Variants in EVC2 observed in about 807,000 individuals in gnomAD.
EVC2 encodes the protein limbin.
EVC2 carries 148 observed loss-of-function variants against 149.3 expected under a neutral mutation model. The ratio of observed to expected loss-of-function variants is 0.99; its 90% CI spans 0.87 to 1.14. The LOEUF is 1.14. Among genes scored for constraint, EVC2 ranks in the 50% most tolerant of loss-of-function variants. EVC2 has a pLI of 0.00. For synonymous variants in EVC2, 776 were observed against 649.9 expected, an observed-to-expected ratio of 1.19 and a Z score of -2.95; for missense variants, 1,854 against 1,627.3, an observed-to-expected ratio of 1.14 and a Z score of -2.40.
the EVC2 span, among the ~76,000 whole-genome samples, chr4:5,535,238 C>T: frequency 8.7e-3 from 1,321 of 152,220 alleles, 21 homozygotes; most frequent in African/African-American, 0.03. The surrounding 1 kb of genome is among the most constrained non-coding windows in gnomAD (Gnocchi z 4.7). Context: ...GCTGGACCCC[C>T]GAACGTCAGC....
At position 5,670,494 on chromosome 4, in the gene EVC2, C is replaced by T. The variant is rs1262705348; in HGVS notation, c.871-4845G>A. Among the ~76,000 whole-genome samples, 1 of 152,078 alleles carries T rather than the reference C, an allele frequency of 6.6e-6. No homozygotes were observed. Among genetic ancestry groups the T allele is most frequent in the African/African-American group, 2.4e-5 (1 of 41,384 alleles). Reference sequence around the variant, plus strand: ...TCATCACCATCCCCACCATCACCATCACCACCATCACCATCGCCACCACGA... The same window carrying T: ...TCATCACCATCCCCACCATCACCATTACCACCATCACCATCGCCACCACGA... On this transcript the variant is annotated intron_variant, in intron 7 of 21. Coordinates refer to ENST00000344408, the MANE Select transcript of EVC2 (RefSeq NM_147127.5). This position sits in a 1 kb window ranked among gnomAD's most constrained non-coding sequence, Gnocchi z 5.2.
At chr4:5,648,989 AT>A (rs983280905) in intron 9 of EVC2, among the ~76,000 whole-genome samples, 1 of 152,184 alleles carries the variant, frequency 6.6e-6, no homozygotes. Flanking sequence ...GAAGACTTAA[AT>A]TTTCATTGCC....
chr4:5,698,283 G>A (rs1721614328), intron 1 of EVC2, among the ~76,000 whole-genome samples: 1 of 152,092 alleles, frequency 6.6e-6, no homozygotes, highest in African/African-American at 2.4e-5. Flanking sequence ...TGTGGACCCT[G>A]GGTAAGCCAA....
At chr4:5,594,617 T>A (rs192201443) in intron 16 of EVC2, among the ~76,000 whole-genome samples, 265 of 151,876 alleles carry the variant, frequency 1.7e-3, no homozygotes, top group African/African-American at 6.2e-3. Context: ...ACCACAAAGA[T>A]GGGGAAAAAA....
intron 21 of EVC2, among the ~76,000 whole-genome samples, chr4:5,548,937 C>T (rs188596156): frequency 2.7e-3 from 336 of 122,576 alleles, no homozygotes; most frequent in African/African-American, 8.8e-3. Flanking sequence ...AAACAAGAGC[C>T]CTTCCTTCCT....
intron 16 of EVC2, among the ~76,000 whole-genome samples, chr4:5,604,994 T>C (rs1225631751): frequency 6.6e-6 from 1 of 151,908 alleles, no homozygotes; most frequent in Non-Finnish European, 1.5e-5. Context: ...ATGATGAGGA[T>C]GAAGACCTTT....
intron 16 of EVC2, among the ~76,000 whole-genome samples, chr4:5,585,597 CTTAA>C (rs1443292005): frequency 2.0e-5 from 3 of 152,138 alleles, no homozygotes; most frequent in African/African-American, 4.8e-5. Context: ...AACAAAACAG[CTTAA>C]TTGAGGTATA....
chr4:5,563,135 T>C lies in EVC2; in HGVS notation c.3660-20A>G. The C allele has an allele frequency of 1.2e-6, 2 of 1,608,302 alleles. No homozygotes were observed. The highest frequency in any genetic ancestry group is 2.2e-5 in the East Asian group (1 of 44,874). On this transcript the variant is annotated intron_variant, in intron 21 of 21. Coordinates refer to ENST00000344408, the MANE Select transcript of EVC2 (RefSeq NM_147127.5). Reference sequence around the variant, plus strand: ...AATATGCTAAAGAAATAGCAAAAGATCAAATTCAATATTTTTGGCAATGAA... The same window carrying C: ...AATATGCTAAAGAAATAGCAAAAGACCAAATTCAATATTTTTGGCAATGAA...
At chr4:5,553,024 C>T (rs892838851) in intron 21 of EVC2, among the ~76,000 whole-genome samples, 2 of 152,104 alleles carry the variant, frequency 1.3e-5, no homozygotes, top group African/African-American at 4.8e-5. Context: ...TGGATATTGC[C>T]GGTATTGGTC....
intron 9 of EVC2, among the ~76,000 whole-genome samples, chr4:5,643,448 G>T (rs572237701): frequency 6.6e-6 from 1 of 152,000 alleles, no homozygotes; most frequent in African/African-American, 2.4e-5. Context: ...ACCTCTAACC[G>T]CATCTTTGGG....
intron 21 of EVC2, among the ~76,000 whole-genome samples, chr4:5,544,302 G>A (rs926312639): frequency 6.6e-6 from 1 of 151,570 alleles, no homozygotes; most frequent in East Asian, 1.9e-4. Context: ...TCTGCAAGTT[G>A]TCAAATAGTG....
At position 5,576,292 on chromosome 4, in the gene EVC2, G is replaced by A. The variant is rs2108778665; in HGVS notation, c.3220C>T (p.Leu1074=). The A allele has an allele frequency of 3.1e-6, 5 of 1,614,180 alleles. No homozygotes were observed. The highest frequency in any genetic ancestry group is 4.2e-6 in the Non-Finnish European group (5 of 1,180,034). Reference sequence around the variant, plus strand: ...TGGCTCTTGCTCAGGGCTTGGTGCAGGACAGTAGAGACCTGCCTTTCAGAA... The same window carrying A: ...TGGCTCTTGCTCAGGGCTTGGTGCAAGACAGTAGAGACCTGCCTTTCAGAA... ...VDSERQVSTV[L]HQALSKSQTL... The change falls in exon 18 of 22, where the codon CTG becomes TTG. Residue 1074 remains leucine (L), a synonymous_variant. Coordinates refer to ENST00000344408, the MANE Select transcript of EVC2 (RefSeq NM_147127.5). This position sits in a 1 kb window ranked among gnomAD's most constrained non-coding sequence, Gnocchi z 4.5.
intron 16 of EVC2, among the ~76,000 whole-genome samples, chr4:5,605,163 A>G (rs758547487): frequency 6.6e-6 from 1 of 152,222 alleles, no homozygotes; most frequent in African/African-American, 2.4e-5. Flanking sequence ...GCTTCTGTCA[A>G]CAGTAGGCTA....
chr4:5,691,407 T>A (rs955121569), intron 3 of EVC2, 74 bp from the exon 4 acceptor site: 4 of 1,276,436 alleles, frequency 3.1e-6, no homozygotes, highest in African/African-American at 3.0e-5. Context: ...AAGTACAAGA[T>A]AATGAAATTT....
intron 16 of EVC2, among the ~76,000 whole-genome samples, chr4:5,597,805 A>G (rs1289225947): frequency 0.022 from 2,550 of 116,116 alleles, 96 homozygotes; most frequent in African/African-American, 0.075. Context: ...ACATGATTGT[A>G]TATCTAGAAA....
At chr4:5,548,486 T>A (rs1294442175) in intron 21 of EVC2, among the ~76,000 whole-genome samples, 6 of 151,378 alleles carry the variant, frequency 4.0e-5, no homozygotes, top group Non-Finnish European at 8.8e-5. Context: ...GTGTGTCACA[T>A]GTGAGGAAAT....
intron 5 of EVC2, among the ~76,000 whole-genome samples, chr4:5,687,025 G>C (rs938938722): frequency 3.3e-5 from 5 of 152,190 alleles, no homozygotes; most frequent in African/African-American, 1.2e-4. Flanking sequence ...GGGAGGCCAA[G>C]GCAGGTGGAT....
chr4:5,704,939 A>C (rs1722040507), intron 1 of EVC2, among the ~76,000 whole-genome samples: 1 of 151,944 alleles, frequency 6.6e-6, no homozygotes, highest in Non-Finnish European at 1.5e-5. Flanking sequence ...TGAACTCCTG[A>C]CCTCAAGCGA....
At position 5,584,790 on chromosome 4, in the gene EVC2, C is replaced by A; in HGVS notation, c.2890G>T (p.Ala964Ser). Residue 964 changes from alanine to serine, a missense_variant, in exon 17 of 22, where the codon GCA becomes TCA. Physicochemically the swap from Ala to Ser is moderately conservative, Grantham distance 99. Transcript: ENST00000344408. ...AACTGCAGAGCAACAAGCGACTGTG[C>A]AAAGCCTCCCTCCTGTGCCTCCATC... The part of the protein sequence containing the change: ...QRMEAQEGGF[A>S]QSLVALQFQK... 6.2e-7 allele frequency: 1 copy of A among 1,614,194 alleles called. No individual in the cohort carries two copies. The highest frequency in any genetic ancestry group is 8.5e-7 in the Non-Finnish European group (1 of 1,180,032).
Sources: gnomAD v4.1 joint callset for allele counts (sites outside exome capture counted in the v4.1 genomes callset) on GRCh38, gnomAD v4.1.1 for gene constraint, Gnocchi (gnomAD v3.1) non-coding constraint, MANE v1.5 for transcripts, NCBI Gene and HGNC (gene_info 2026-07-23, HGNC 2026-07-21) for gene names.